The following RTN3 variants were observed in gnomAD, a reference collection of about 807,000 sequenced individuals.
The protein encoded by RTN3 is reticulon-3.
Under a neutral mutation model 77.8 loss-of-function variants are expected in RTN3, and 49 were observed. The ratio of observed to expected loss-of-function variants is 0.63; its 90% CI spans 0.50 to 0.80. The LOEUF (loss-of-function observed/expected upper bound fraction) is 0.80. RTN3 is among the 30% of genes least tolerant of loss of function. RTN3 has a pLI of 0.00. For synonymous variants in RTN3, 464 were observed against 446.9 expected (o/e 1.04, Z -0.48); for missense variants, 1,236 against 1,211.9 (o/e 1.02, Z -0.29).
intron 2 of RTN3, among the ~76,000 whole-genome samples, chr11:63,708,942 C>T (rs970065148): frequency 6.6e-6 from 1 of 152,178 alleles, no homozygotes; most frequent in Non-Finnish European, 1.5e-5. Flanking sequence ...TGAACTTTTA[C>T]TATGCCCAGT....
intron 6 of RTN3, among the ~76,000 whole-genome samples, chr11:63,753,423 A>AAATTGTTAT (rs767032241): frequency 6.6e-6 from 1 of 152,224 alleles, no homozygotes; most frequent in Non-Finnish European, 1.5e-5. Flanking sequence ...GGTAATTTGG[A>AAATTGTTAT]AATTGTTATT....
chr11:63,727,140 ACT>A (rs1387252441), intron 3 of RTN3, among the ~76,000 whole-genome samples: 2 of 152,000 alleles, frequency 1.3e-5, no homozygotes, highest in East Asian at 1.9e-4. Flanking sequence ...ACAGAGTAAG[ACT>A]CTATCTTGAA....
intron 1 of RTN3, among the ~76,000 whole-genome samples, chr11:63,699,173 C>T (rs551050670): frequency 7.2e-5 from 11 of 152,178 alleles, no homozygotes; most frequent in Admixed American, 2.6e-4. Context: ...TGGTAGCATG[C>T]ACCTGTAATC....
chr11:63,735,059 C>G (rs2012994736), intron 3 of RTN3, among the ~76,000 whole-genome samples: 1 of 152,116 alleles, frequency 6.6e-6, no homozygotes, highest in African/African-American at 2.4e-5. Flanking sequence ...GACAGCCTTT[C>G]TCTGTCGCCC....
intron 3 of RTN3, among the ~76,000 whole-genome samples, chr11:63,730,218 C>T (rs1232260537): frequency 2.6e-5 from 4 of 151,526 alleles, no homozygotes; most frequent in Admixed American, 2.0e-4. Flanking sequence ...CCACCCTCCT[C>T]GGCCTCCCAA....
At chr11:63,706,351 T>C (rs1162569512) in intron 2 of RTN3, among the ~76,000 whole-genome samples, 2 of 152,178 alleles carry the variant, frequency 1.3e-5, no homozygotes, top group East Asian at 3.9e-4. Flanking sequence ...CACCATGCCC[T>C]GCTAATTTTT....
chr11:63,734,760 CA>C (rs1565333318), intron 3 of RTN3, among the ~76,000 whole-genome samples: 12 of 150,362 alleles, frequency 8.0e-5, no homozygotes, highest in East Asian at 4.0e-4. Context: ...CACACACACA[CA>C]CACACACACA....
chr11:63,720,855 T>C lies in RTN3; in HGVS notation c.2353T>C (p.Trp785Arg). ...AACTTTCACATTTGCTCCAGAATCT[T>C]GGCCACAGAGATCATATGACATCCT... Reference protein sequence around the residue: ...KQTFTFAPESWPQRSYDILER... With the variant: ...KQTFTFAPESRPQRSYDILER... Residue 785 changes from tryptophan to arginine, a missense_variant, in exon 3 of 9, where the codon TGG (tryptophan) becomes CGG (arginine). Transcript: ENST00000377819. 6.2e-7 allele frequency: 1 copy of C among 1,614,046 alleles called. No homozygotes were observed. Among genetic ancestry groups the C allele is most frequent in the Middle Eastern group, 1.6e-4 (1 of 6,062 alleles).
chr11:63,733,192 G>A lies in RTN3; in HGVS notation c.2530+12160G>A, dbSNP rs571467537. Among the ~76,000 whole-genome samples, 78 of 151,826 alleles carry A rather than the reference G, an allele frequency of 5.1e-4. 1 individual carries two copies. In the South Asian group the frequency reaches 0.012, roughly 24 times the overall value. On this transcript the variant is annotated intron_variant, in intron 3 of 8. Coordinates refer to ENST00000377819, the MANE Select transcript of RTN3 (RefSeq NM_001265589.2). ...AAAAAGGCTGGGCACAGTGGCTCAC[G>A]CCTGTAATCCCAGCACTTTGGGAGG...
intron 1 of RTN3, among the ~76,000 whole-genome samples, chr11:63,687,552 G>A (rs1231013059): frequency 3.3e-5 from 5 of 151,884 alleles, no homozygotes; most frequent in African/African-American, 9.7e-5. Flanking sequence ...GGAGGTTGCA[G>A]TGAGCCAAGA....
intron 3 of RTN3, among the ~76,000 whole-genome samples, chr11:63,735,041 T>C (rs572405641): frequency 3.9e-5 from 6 of 152,198 alleles, no homozygotes; most frequent in African/African-American, 1.4e-4. Context: ...AAAAAAAACT[T>C]TTTTTGAGAC....
At chr11:63,747,851 G>A (rs1251221634) in intron 3 of RTN3, among the ~76,000 whole-genome samples, 1 of 152,168 alleles carries the variant, frequency 6.6e-6, no homozygotes, top group Non-Finnish European at 1.5e-5. Flanking sequence ...CAGATGTGAG[G>A]AAATGGAGGC....
At chr11:63,747,620 A>G (rs1336782546) in intron 3 of RTN3, among the ~76,000 whole-genome samples, 2 of 152,230 alleles carry the variant, frequency 1.3e-5, no homozygotes, top group African/African-American at 4.8e-5. Context: ...CTTTGGCTCT[A>G]GGAAGGTTAG....
chr11:63,715,256 C>T (rs1203049706), intron 2 of RTN3, among the ~76,000 whole-genome samples: 2 of 152,174 alleles, frequency 1.3e-5, no homozygotes, highest in East Asian at 1.9e-4. Flanking sequence ...GTGTCTGACA[C>T]GTGGTAGGCA....
chr11:63,734,754 CACACACACACACACACACACACACACA>C (rs1263725385), intron 3 of RTN3, among the ~76,000 whole-genome samples: 9 of 149,552 alleles, frequency 6.0e-5, no homozygotes, highest in East Asian at 4.0e-4. Flanking sequence ...CACACACACA[CACACACACACACACACACACACACACA>C]CCATACTGGA....
intron 2 of RTN3, among the ~76,000 whole-genome samples, chr11:63,706,994 G>A (rs1008204351): frequency 2.0e-5 from 3 of 150,376 alleles, no homozygotes; most frequent in African/African-American, 4.9e-5. Flanking sequence ...CCCAAGAATC[G>A]CTCAAGCAGT....
At chr11:63,749,932 T>C in intron 3 of RTN3, 59 bp from the exon 4 acceptor site, 2 of 1,227,968 alleles carry the variant, frequency 1.6e-6, no homozygotes. Context: ...TCCACAGGTA[T>C]GCAAGACATA....
At chr11:63,747,474 G>C (rs542341064) in intron 3 of RTN3, among the ~76,000 whole-genome samples, 1 of 152,114 alleles carries the variant, frequency 6.6e-6, no homozygotes, top group African/African-American at 2.4e-5. Context: ...TGGGACTCTC[G>C]GGTTCCCATC....
At chr11:63,737,746 A>G (rs888578701) in intron 3 of RTN3, among the ~76,000 whole-genome samples, 1 of 152,258 alleles carries the variant, frequency 6.6e-6, no homozygotes, top group Non-Finnish European at 1.5e-5. Flanking sequence ...AATTGAGGGC[A>G]AAGGGGATGG....
Sources: allele counts gnomAD v4.1 joint callset (sites outside exome capture counted in the v4.1 genomes callset), GRCh38; gene constraint gnomAD v4.1.1; transcripts MANE v1.5; gene names NCBI Gene and HGNC (gene_info 2026-07-23, HGNC 2026-07-21).